Variants in TMEM232 observed in about 807,000 individuals in gnomAD.
TMEM232 encodes transmembrane protein 232.
Under a neutral mutation model 78.8 loss-of-function variants are expected in TMEM232, and 80 were observed. That is an observed-to-expected ratio of 1.01 (90% confidence interval 0.85 to 1.22). The LOEUF is 1.22. Among genes scored for constraint, TMEM232 ranks in the 50% most tolerant of loss-of-function variants. The pLI is 0.00. For synonymous variants in TMEM232, 297 were observed against 254.3 expected (o/e 1.17, Z -1.60); for missense variants, 881 against 742.2 (o/e 1.19, Z -2.17).
intron 1 of TMEM232, among the ~76,000 whole-genome samples, chr5:110,676,889 G>A (rs1227829422): frequency 6.6e-6 from 1 of 151,940 alleles, no homozygotes; most frequent in Non-Finnish European, 1.5e-5. Flanking sequence ...TTCCCTAGTA[G>A]CTGGGATTAC....
chr5:110,697,699 G>A (rs969539251), intron 1 of TMEM232, among the ~76,000 whole-genome samples: 2 of 152,200 alleles, frequency 1.3e-5, no homozygotes, highest in African/African-American at 2.4e-5. Flanking sequence ...ATAAAAAAAT[G>A]CTCATCATCA....
chr5:110,715,706 A>G (rs1205145245), intron 1 of TMEM232, among the ~76,000 whole-genome samples: 2 of 152,082 alleles, frequency 1.3e-5, no homozygotes, highest in Non-Finnish European at 2.9e-5. Context: ...TTAACCTAAA[A>G]GACTGGTTCA....
chr5:110,599,759 G>A (rs927941437), intron 10 of TMEM232, among the ~76,000 whole-genome samples: 7 of 152,018 alleles, frequency 4.6e-5, no homozygotes, highest in African/African-American at 1.4e-4. Flanking sequence ...ACAGATCAAC[G>A]AGACAGGAAA....
In TMEM232 at chr5:110,715,048, G is replaced by T. The variant is rs1269283221; in HGVS notation, c.-13+11579C>A. Among the ~76,000 whole-genome samples the T allele has an allele frequency of 2.6e-5, 4 of 151,644 alleles. 1 individual carries two copies. The highest frequency in any genetic ancestry group is 9.7e-5 in the African/African-American group (4 of 41,274). On this transcript the variant is annotated intron_variant, in intron 1 of 13. Transcript: ENST00000455884. ...TTTACACATATCTGTCTCTTAACAGGGTTCCTTGTCTATTTTTGCCCCTTC... is the reference window on the plus strand; with the variant it reads ...TTTACACATATCTGTCTCTTAACAGTGTTCCTTGTCTATTTTTGCCCCTTC...
chr5:110,718,014 T>C (rs561792631), intron 1 of TMEM232, among the ~76,000 whole-genome samples: 1 of 152,242 alleles, frequency 6.6e-6, no homozygotes, highest in South Asian at 2.1e-4. Context: ...TATTGAATAT[T>C]TTTCTTAGAA....
chr5:110,567,900 G>T (rs1004722731), intron 11 of TMEM232, among the ~76,000 whole-genome samples: 1 of 151,890 alleles, frequency 6.6e-6, no homozygotes, highest in African/African-American at 2.4e-5. Context: ...AATGCCCCTT[G>T]CCCCTCCTAT....
At chr5:110,562,527 A>G (rs988541169) in intron 11 of TMEM232, among the ~76,000 whole-genome samples, 4 of 152,106 alleles carry the variant, frequency 2.6e-5, no homozygotes, top group African/African-American at 9.6e-5. Context: ...TTAGGGATCA[A>G]ACATTTATCT....
chr5:110,663,741 G>A (rs1168350923), intron 2 of TMEM232, among the ~76,000 whole-genome samples: 1 of 126,716 alleles, frequency 7.9e-6, no homozygotes, highest in Admixed American at 8.0e-5. Flanking sequence ...GTGTGTGTGT[G>A]TGTATGTGTG....
chr5:110,659,712 C>G (rs754728644), intron 2 of TMEM232, among the ~76,000 whole-genome samples: 1 of 151,862 alleles, frequency 6.6e-6, no homozygotes, highest in African/African-American at 2.4e-5. Flanking sequence ...CTGCAGGGAA[C>G]CAGAAACGTT....
At chr5:110,599,265 C>A (rs1300087655) in intron 10 of TMEM232, among the ~76,000 whole-genome samples, 1 of 151,996 alleles carries the variant, frequency 6.6e-6, no homozygotes, top group Non-Finnish European at 1.5e-5. Flanking sequence ...GCATCAACTA[C>A]TGTGCAAAAT....
intron 11 of TMEM232, among the ~76,000 whole-genome samples, chr5:110,545,949 G>A (rs929997813): frequency 4.9e-4 from 75 of 152,052 alleles, no homozygotes; most frequent in African/African-American, 1.8e-3. Flanking sequence ...TTCAAACAAA[G>A]CACATCAATT....
chr5:110,695,370 C>T (rs941823547), intron 1 of TMEM232, among the ~76,000 whole-genome samples: 7 of 152,116 alleles, frequency 4.6e-5, no homozygotes, highest in Non-Finnish European at 7.4e-5. Context: ...AAAATTGACA[C>T]GGTAACATCA....
chr5:110,425,820 T>C (rs1231148560), intron 12 of TMEM232, among the ~76,000 whole-genome samples: 1 of 152,110 alleles, frequency 6.6e-6, no homozygotes, highest in East Asian at 1.9e-4. Context: ...CTCTTGTCTC[T>C]ATACAGTAGC....
chr5:110,494,863 T>C (rs1194880515), intron 12 of TMEM232, among the ~76,000 whole-genome samples: 2 of 151,790 alleles, frequency 1.3e-5, no homozygotes, highest in African/African-American at 4.8e-5. Context: ...ATACTACATA[T>C]AGTATTATTT....
chr5:110,420,757 C>T lies in TMEM232; in HGVS notation c.1798-1G>A. The T allele has an allele frequency of 1.3e-6, 2 of 1,516,164 alleles. No individual in the cohort carries two copies. The highest frequency in any genetic ancestry group is 1.8e-6 in the Non-Finnish European group (2 of 1,140,652). 93.9% of individuals were successfully genotyped at this position (1,516,164 alleles called of 1,614,324 possible). ...CTCGGATCTTTAGCTCTTCCTGCCACTGTTACAGAGAGAAAACGTCATTCA... is the reference window on the plus strand; with the variant it reads ...CTCGGATCTTTAGCTCTTCCTGCCATTGTTACAGAGAGAAAACGTCATTCA... On this transcript the variant is annotated splice_acceptor_variant, in intron 13 of 13. Coordinates refer to ENST00000455884, the MANE Select transcript of TMEM232 (RefSeq NM_001039763.4). LOFTEE classifies it high-confidence loss of function.
At chr5:110,416,537 G>A (rs757074663), downstream of TMEM232, among the ~76,000 whole-genome samples, 4 of 152,176 alleles carry the variant, frequency 2.6e-5, 1 homozygote, top group South Asian at 4.1e-4. Context: ...GTTGGATAAC[G>A]TTTGAAAGCA....
intron 11 of TMEM232, among the ~76,000 whole-genome samples, chr5:110,554,745 C>A (rs138903013): frequency 2.9e-4 from 44 of 152,232 alleles, no homozygotes; most frequent in African/African-American, 1.0e-3. Context: ...ACCTGCTCTT[C>A]TTTATACATC....
In TMEM232 at chr5:110,640,919, C is replaced by G; in HGVS notation, c.315G>C (p.Leu105=). ...LPAAWTEVIY[L]AQCKGEIQDE... ...CTTGGATTTCCCCTTTGCATTGAGCCAGATATATTACTTCAGTCCATGCAG... is the reference window on the plus strand; with the variant it reads ...CTTGGATTTCCCCTTTGCATTGAGCGAGATATATTACTTCAGTCCATGCAG... Residue 105 remains leucine, a synonymous_variant, in exon 4 of 14, where the codon CTG becomes CTC. Transcript: ENST00000455884. The G allele has an allele frequency of 6.5e-7, 1 of 1,539,010 alleles. No individual in the cohort carries two copies. Among genetic ancestry groups the G allele is most frequent in the Non-Finnish European group, 8.8e-7 (1 of 1,140,454 alleles).
chr5:110,647,868 C>T (rs577361494), intron 2 of TMEM232, among the ~76,000 whole-genome samples: 41 of 152,070 alleles, frequency 2.7e-4, no homozygotes, highest in African/African-American at 9.4e-4. Context: ...TCAGCCCCCA[C>T]ACTATATCTA....
Sources: allele counts gnomAD v4.1 joint callset (sites outside exome capture counted in the v4.1 genomes callset), GRCh38; gene constraint gnomAD v4.1.1; transcripts MANE v1.5; gene names NCBI Gene and HGNC (gene_info 2026-07-23, HGNC 2026-07-21).